PLTP: variants seen among roughly 807,000 people sequenced by gnomAD.
PLTP encodes the protein BPI fold containing family E.
Under a neutral mutation model 54.1 loss-of-function variants are expected in PLTP, and 43 were observed. The observed-to-expected ratio is 0.79, with a 90% CI of 0.62 to 1.02. The LOEUF is 1.02. Among genes scored for constraint, PLTP ranks in the 50% least tolerant of loss-of-function variants. PLTP has a pLI of 0.00. For missense variants in PLTP, 604 were observed against 645.9 expected (o/e 0.94, Z 0.70); for synonymous variants, 263 against 264.6 (o/e 0.99, Z 0.06).
At chr20:45,910,968 G>A in intron 3 of PLTP, 184 bp downstream of exon 3, 1 of 1,483,734 alleles carries the variant, frequency 6.7e-7, no homozygotes, top group South Asian at 1.3e-5. Context: ...GCCTGGTCCC[G>A]CCTATGATGA....
At chr20:45,909,107 G>A (rs1395005773) in intron 5 of PLTP, among the ~76,000 whole-genome samples, 1 of 151,778 alleles carries the variant, frequency 6.6e-6, no homozygotes, top group African/African-American at 2.4e-5. Context: ...TGGGACTACA[G>A]GCACGTGCCA....
intron 10 of PLTP, 28 bp downstream of exon 10, chr20:45,904,772 C>T (rs2083222743): frequency 3.7e-6 from 6 of 1,612,012 alleles, no homozygotes; most frequent in Admixed American, 3.3e-5. Context: ...GTGCAGGTGG[C>T]CCTATCCCTG....
At chr20:45,905,610 T>C (rs11569647) in intron 8 of PLTP, among the ~76,000 whole-genome samples, 3,452 of 152,360 alleles carry the variant, frequency 0.023, 132 homozygotes, top group African/African-American at 0.079. Flanking sequence ...TCAGGCATTC[T>C]TTTTCTCTTT....
rs761047855 is a variant in PLTP, at chr20:45,909,966, C to T, written c.305G>A (p.Arg102Gln). ...CAAGAACCAGTAGAGCAGCTGTCTC[C>T]GGAAGCGCAGCCCCAAGGAGGCATT... ...ITNASLGLRF[R>Q]RQLLYWFFYD... Residue 102 changes from arginine (R) to glutamine (Q), a missense_variant, in exon 4 of 16, where the codon CGG becomes CAG. Transcript: ENST00000372431. 1.3e-5 allele frequency: 21 copies of T among 1,613,964 alleles called. No individual in the cohort carries two copies. Among genetic ancestry groups the T allele is most frequent in the Non-Finnish European group, 1.7e-5 (20 of 1,180,004 alleles).
rs559294797 is a variant in PLTP at position 45,909,536 on chromosome 20, C to G, written c.465G>C (p.Ala155=). Residue 155 remains alanine, a synonymous_variant, in exon 5 of 16, where the codon GCG becomes GCC. Coordinates refer to ENST00000372431, the MANE Select transcript of PLTP (RefSeq NM_006227.4). ...SCQASVSRMH[A]AFGGTFKKVY... is the part of the protein sequence containing the mutation. ...CTTACTTGAAGGTTCCCCCGAAGGC[C>G]GCGTGCATTCTGGAGACAGAGGCCT... 1.9e-6 allele frequency: 3 copies of G among 1,614,142 alleles called. No individual in the cohort carries two copies. The highest frequency in any genetic ancestry group is 2.5e-6 in the Non-Finnish European group (3 of 1,180,028).
At chr20:45,908,273 C>T (rs757157474) in intron 5 of PLTP, among the ~76,000 whole-genome samples, 13 of 152,110 alleles carry the variant, frequency 8.5e-5, no homozygotes, top group Non-Finnish European at 1.6e-4. Flanking sequence ...TCCCAGATTC[C>T]CCTCCTCTGA....
At position 45,902,296 on chromosome 20, in the gene PLTP, C is replaced by T. The variant is rs763077191; in HGVS notation, c.1146G>A (p.Lys382=). The T allele has an allele frequency of 6.2e-7, 1 of 1,614,000 alleles. No individual in the cohort carries two copies. Among genetic ancestry groups the T allele is most frequent in the Non-Finnish European group, 8.5e-7 (1 of 1,180,050 alleles). Residue 382 remains lysine, a synonymous_variant, in exon 12 of 16, where the codon AAG becomes AAA. Transcript: ENST00000372431. Reference sequence around the variant, plus strand: ...GCAGGTCCAGCTGCGTGCGCAGGGCCTTCCCCCGGAGAGCCATCTTGGCGC... The same window carrying T: ...GCAGGTCCAGCTGCGTGCGCAGGGCTTTCCCCCGGAGAGCCATCTTGGCGC... ...RLSAKMALRG[K]ALRTQLDLRR...
rs756804656 is a variant in PLTP, at chr20:45,900,347, C to T, written c.1176-469G>A. Among the ~76,000 whole-genome samples the T allele has an allele frequency of 7.9e-5, 12 of 151,872 alleles. No individual in the cohort carries two copies. The East Asian group carries it at 1.4e-3, about 17-fold the overall frequency. ...TCTCGGATTTCCTGACCTTGTGATC[C>T]GCCCGTCTCGGCCTCCCAAAGTGCT... On this transcript the variant is annotated intron_variant, in intron 12 of 15. Transcript: ENST00000372431.
chr20:45,907,467 C>G (rs1351977752), intron 7 of PLTP, among the ~76,000 whole-genome samples: 1 of 152,168 alleles, frequency 6.6e-6, no homozygotes, highest in African/African-American at 2.4e-5. Context: ...CAACTATTCT[C>G]TCAGATAATC....
At chr20:45,909,394 G>T (rs1045987906) in intron 5 of PLTP, 122 bp downstream of exon 5, 3 of 1,021,834 alleles carry the variant, frequency 2.9e-6, no homozygotes, top group African/African-American at 3.2e-5. Context: ...CAGCCAGGAA[G>T]TGACAGAGCT....
chr20:45,909,834 G>T, intron 4 of PLTP, 108 bp downstream of exon 4: 1 of 1,489,266 alleles, frequency 6.7e-7, no homozygotes. Flanking sequence ...CTGTTACACA[G>T]ATGAAGAAAC....
At chr20:45,905,193 C>T (rs1470044462) in intron 8 of PLTP, 75 bp from the exon 9 acceptor site, 6 of 1,369,662 alleles carry the variant, frequency 4.4e-6, no homozygotes, top group Non-Finnish European at 6.2e-6. Flanking sequence ...TGTCTCCCAG[C>T]CCCGTGCTAG....
intron 5 of PLTP, among the ~76,000 whole-genome samples, chr20:45,908,345 A>G (rs551849144): frequency 6.6e-6 from 1 of 152,200 alleles, no homozygotes; most frequent in South Asian, 2.1e-4. Context: ...TTTTTGCTCC[A>G]GATAGGCTCT....
rs770527811 is a variant in PLTP, at chr20:45,911,459, C to G, written c.-7G>C. On this transcript the variant is annotated 5_prime_UTR_variant, in exon 2 of 16. Coordinates refer to ENST00000372431, the MANE Select transcript of PLTP (RefSeq NM_006227.4). ...GGGCCCCGAAGAGGGCCATGGCGAG[C>G]GGGCCTGGGGGTGGGGTGGGGTCGC... 20 of 1,602,358 alleles carry G rather than the reference C, an allele frequency of 1.2e-5. No individual in the cohort carries two copies. The African/African-American group carries it at 2.5e-4, about 20-fold the overall frequency.
intron 10 of PLTP, 132 bp from the exon 11 acceptor site, chr20:45,902,736 C>G: frequency 1.1e-6 from 1 of 928,898 alleles, no homozygotes; most frequent in East Asian, 2.7e-5. Flanking sequence ...AGAGGGAGCT[C>G]TGGCTTCCAA....
At position 45,911,164 on chromosome 20, in the gene PLTP, T is replaced by C. The variant is rs2083286907; in HGVS notation, c.188A>G (p.Tyr63Cys). The stretch of plus-strand genomic sequence containing the variant: ...GCCCCCCACTTACTCAGAGATGTTG[T>C]AGTAGAAGTGGCCTTCTTTGCCCCG... ...DLRGKEGHFY[Y>C]NISEVKVTEL... Residue 63 changes from tyrosine (Y) to cysteine (C), a missense_variant, in exon 3 of 16, where the codon TAC becomes TGC. Coordinates refer to ENST00000372431, the MANE Select transcript of PLTP (RefSeq NM_006227.4). 1.2e-6 allele frequency: 2 copies of C among 1,613,012 alleles called. No homozygotes were observed. The highest frequency in any genetic ancestry group is 1.7e-6 in the Non-Finnish European group (2 of 1,179,106).
intron 3 of PLTP, chr20:45,910,760 C>G: frequency 1.0e-6 from 1 of 957,202 alleles, no homozygotes. Context: ...CTTATTCCCC[C>G]TCCCTCATCC....
In PLTP at chr20:45,909,559, C is replaced by T; in HGVS notation, c.442G>A (p.Ala148Thr). The T allele has an allele frequency of 1.2e-6, 2 of 1,614,176 alleles. No individual in the cohort carries two copies. The highest frequency in any genetic ancestry group is 1.7e-6 in the Non-Finnish European group (2 of 1,180,036). The part of the protein sequence containing the change: ...RMKVSNVSCQ[A>T]SVSRMHAAFG... ...GCCGCGTGCATTCTGGAGACAGAGG[C>T]CTGGCAGGAGACATTGGACACTTTC... Residue 148 changes from alanine (A) to threonine (T), a missense_variant, in exon 5 of 16, where the codon GCC becomes ACC. Transcript: ENST00000372431.
intron 15 of PLTP, 116 bp downstream of exon 15, chr20:45,899,346 T>C: frequency 8.6e-7 from 1 of 1,164,772 alleles, no homozygotes; most frequent in South Asian, 1.3e-5. Flanking sequence ...GAGTCTAAGA[T>C]TAAAATGGGA....
Sources: allele counts gnomAD v4.1 joint callset (sites outside exome capture counted in the v4.1 genomes callset), GRCh38; gene constraint gnomAD v4.1.1; transcripts MANE v1.5; gene names NCBI Gene and HGNC (gene_info 2026-07-23, HGNC 2026-07-21).